The following PHACTR1 variants were observed in gnomAD, a reference collection of about 807,000 sequenced individuals.
PHACTR1 encodes the protein RPEL repeat containing 1.
Under a neutral mutation model 69.2 loss-of-function variants are expected in PHACTR1, and 16 were observed. The ratio of observed to expected loss-of-function variants is 0.23; its 90% CI spans 0.16 to 0.35. The LOEUF is 0.35. PHACTR1 is among the 10% of genes least tolerant of loss of function. The pLI, the probability that PHACTR1 is intolerant of heterozygous loss-of-function variation, is 1.00. For synonymous variants in PHACTR1, 312 were observed against 284.5 expected, an observed-to-expected ratio of 1.10 and a Z score of -0.97; for missense variants, 510 against 734.7, an observed-to-expected ratio of 0.69 and a Z score of 3.54.
intron 8 of PHACTR1, among the ~76,000 whole-genome samples, chr6:13,218,544 T>C (rs1040593560): frequency 1.1e-4 from 16 of 152,100 alleles, no homozygotes; most frequent in Non-Finnish European, 2.2e-4. Context: ...TATTCGGCCA[T>C]TGAAATGGTG....
intron 5 of PHACTR1, among the ~76,000 whole-genome samples, chr6:13,144,690 C>T (rs748226741): frequency 1.1e-4 from 17 of 150,214 alleles, no homozygotes; most frequent in Non-Finnish European, 1.9e-4. Flanking sequence ...TGCCTGAGCC[C>T]GGGAAGTGGA....
chr6:13,119,558 A>G (rs563804621), intron 5 of PHACTR1, among the ~76,000 whole-genome samples: 3 of 152,248 alleles, frequency 2.0e-5, no homozygotes, highest in African/African-American at 7.2e-5. Flanking sequence ...CTGGGGGAAG[A>G]GGCCCCCAGA....
intron 7 of PHACTR1, among the ~76,000 whole-genome samples, chr6:13,202,446 C>A (rs1048471493): frequency 1.3e-5 from 2 of 150,456 alleles, no homozygotes; most frequent in Non-Finnish European, 2.9e-5. Context: ...CTTAACACCT[C>A]AGGACATACT....
chr6:12,836,640 C>T (rs1778197103), intron 4 of PHACTR1, among the ~76,000 whole-genome samples: 1 of 152,078 alleles, frequency 6.6e-6, no homozygotes, highest in African/African-American at 2.4e-5. Context: ...ATAACCTAAG[C>T]CTGCAGCACA....
rs369226966 is a variant in PHACTR1, at chr6:13,052,912, C to T, written c.251-453C>T. 1.8e-3 allele frequency among the ~76,000 whole-genome samples: 271 copies of T among 152,286 alleles called. 2 individuals carry two copies. Among genetic ancestry groups the T allele is most frequent in the African/African-American group, 6.1e-3 (253 of 41,568 alleles). ...AGTAGACAGCAGTGGGTATTGGAGA[C>T]GTTGGCTTTGGAATAGACAGTTGAT... is the stretch of plus-strand genomic sequence containing the variant. On this transcript the variant is annotated intron_variant, in intron 4 of 14. Coordinates refer to ENST00000332995, the MANE Select transcript of PHACTR1 (RefSeq NM_030948.6).
intron 4 of PHACTR1, among the ~76,000 whole-genome samples, chr6:12,802,878 G>A (rs1773874990): frequency 1.3e-5 from 2 of 152,186 alleles, no homozygotes; most frequent in African/African-American, 4.8e-5. Context: ...GTGACTGCAA[G>A]TTTTGAGTTT....
Position 12,778,132 on chromosome 6 carries a change from T to C in PHACTR1, c.250+28342T>C, listed in dbSNP as rs1285118195. On this transcript the variant is annotated intron_variant, in intron 4 of 14. Coordinates refer to ENST00000332995, the MANE Select transcript of PHACTR1 (RefSeq NM_030948.6). ...AAAATGAATTATTGTGTCTCTGGCA[T>C]TGACTTAATTATTTTTGTTATACAC... Among the ~76,000 whole-genome samples, 4 of 152,334 alleles carry C rather than the reference T, an allele frequency of 2.6e-5. No homozygotes were observed. In the East Asian group the frequency reaches 5.8e-4, roughly 22 times the overall value.
intron 5 of PHACTR1, among the ~76,000 whole-genome samples, chr6:13,136,277 GCACTTGCAGCTTCACCTTT>G (rs1386100000): frequency 6.6e-6 from 1 of 152,034 alleles, no homozygotes; most frequent in Non-Finnish European, 1.5e-5. Flanking sequence ...TTCTCCATCA[GCACTTGCAGCTTCACCTTT>G]CACTTTTATG....
intron 4 of PHACTR1, among the ~76,000 whole-genome samples, chr6:13,007,488 A>C (rs1798926155): frequency 6.6e-6 from 1 of 152,010 alleles, no homozygotes; most frequent in South Asian, 2.1e-4. Flanking sequence ...CCTAATCCTA[A>C]ATTTTTTTTA....
Position 13,278,281 on chromosome 6 carries a change from A to G in PHACTR1, c.1461A>G (p.Gln487=). 1 of 1,597,220 alleles carries G rather than the reference A, an allele frequency of 6.3e-7. No individual in the cohort carries two copies. Among genetic ancestry groups the G allele is most frequent in the Admixed American group, 1.7e-5 (1 of 57,262 alleles). The change falls in exon 12 of 15, where the codon CAA becomes CAG. Residue 487 remains glutamine (Q), a synonymous_variant. Transcript: ENST00000332995. ...QRNILKPRNE[Q]EEQEEKREIK... is the part of the protein sequence containing the mutation. ...TATTTTTTTTAGCTCGGAATGAACA[A>G]GAGGAACAGGAGGAGAAGAGAGAGA...
chr6:12,734,924 C>T (rs564944424), intron 3 of PHACTR1, among the ~76,000 whole-genome samples: 1 of 152,334 alleles, frequency 6.6e-6, no homozygotes, highest in African/African-American at 2.4e-5. Flanking sequence ...ACAATTGATG[C>T]TCTGAGTCCA....
intron 4 of PHACTR1, among the ~76,000 whole-genome samples, chr6:12,886,259 T>TAAA (rs11403252): frequency 1.3e-5 from 2 of 148,372 alleles, no homozygotes; most frequent in East Asian, 2.0e-4. Flanking sequence ...GTTTGATTGT[T>TAAA]AAAAAAAAAA....
intron 4 of PHACTR1, among the ~76,000 whole-genome samples, chr6:13,035,228 T>C (rs1394383499): frequency 6.6e-6 from 1 of 152,226 alleles, no homozygotes; most frequent in Non-Finnish European, 1.5e-5. Context: ...TATTAATCTA[T>C]AAATACTTCC....
At chr6:12,869,934 G>T (rs575412955) in intron 4 of PHACTR1, among the ~76,000 whole-genome samples, 4 of 152,250 alleles carry the variant, frequency 2.6e-5, no homozygotes, top group African/African-American at 9.6e-5. Flanking sequence ...ATTGTCCCTG[G>T]TCCTAGGGTT....
chr6:13,253,862 A>G (rs548237391), intron 10 of PHACTR1, among the ~76,000 whole-genome samples: 26 of 152,360 alleles, frequency 1.7e-4, no homozygotes, highest in African/African-American at 6.0e-4. Flanking sequence ...CTGAAGGGCT[A>G]AGACAGTAAA....
intron 4 of PHACTR1, among the ~76,000 whole-genome samples, chr6:12,920,617 T>C (rs1787532413): frequency 6.6e-6 from 1 of 152,244 alleles, no homozygotes; most frequent in Non-Finnish European, 1.5e-5. Flanking sequence ...AATGCAATAT[T>C]GAAATAAATT....
intron 4 of PHACTR1, among the ~76,000 whole-genome samples, chr6:12,895,625 T>G (rs1231487231): frequency 6.6e-6 from 1 of 152,218 alleles, no homozygotes; most frequent in African/African-American, 2.4e-5. Context: ...TGGTGGTAAC[T>G]GCTTTCTAAA....
At chr6:12,832,973 G>A (rs1777749360) in intron 4 of PHACTR1, among the ~76,000 whole-genome samples, 2 of 152,138 alleles carry the variant, frequency 1.3e-5, no homozygotes, top group African/African-American at 4.8e-5. Context: ...GATCAAAAGA[G>A]CAAATTCCAA....
intron 10 of PHACTR1, among the ~76,000 whole-genome samples, chr6:13,241,948 G>C (rs540244813): frequency 6.7e-6 from 1 of 149,544 alleles, no homozygotes; most frequent in East Asian, 2.0e-4. Flanking sequence ...CAGGAGAATC[G>C]CTTGAACCCA....
Sources: gnomAD v4.1 joint callset for allele counts (sites outside exome capture counted in the v4.1 genomes callset) on GRCh38, gnomAD v4.1.1 for gene constraint, MANE v1.5 for transcripts, NCBI Gene and HGNC (gene_info 2026-07-23, HGNC 2026-07-21) for gene names.